KRT72: variants seen among roughly 807,000 people sequenced by gnomAD.
KRT72 encodes the protein keratin, type II cytoskeletal 72.
In KRT72, 44 loss-of-function variants were observed where a neutral mutation model predicts 44.7. The ratio of observed to expected loss-of-function variants is 0.98; its 90% confidence interval spans 0.77 to 1.27. The LOEUF is 1.27. Among genes scored for constraint, KRT72 ranks in the 50% most tolerant of loss-of-function variants. The pLI is 0.00. For synonymous variants in KRT72, 302 were observed against 280.4 expected (o/e 1.08, Z -0.77); for missense variants, 736 against 667.1 (o/e 1.10, Z -1.14).
rs1940438548 is a variant in KRT72, at chr12:52,601,240, C to T, written c.213G>A (p.Leu71=). 6.3e-7 allele frequency: 1 copy of T among 1,579,930 alleles called. No individual in the cohort carries two copies. The highest frequency in any genetic ancestry group is 8.6e-7 in the Non-Finnish European group (1 of 1,163,282). ...CGAAGGCGGTGCCCACGAAGCCGCC[C>T]AGGCGGCCGCCGCCCCGCCGTGCAG... is the stretch of plus-strand genomic sequence containing the variant. ...SAAARRGGGR[L]GGFVGTAFGS... is the part of the protein sequence containing the mutation. Residue 71 remains leucine (L), a synonymous_variant, in exon 1 of 9, where the codon CTG becomes CTA. Coordinates refer to ENST00000293745, the MANE Select transcript of KRT72 (RefSeq NM_080747.3).
rs758073847 is a variant in KRT72, at chr12:52,592,497, A to G, written c.703-6T>C. 2.5e-6 allele frequency: 4 copies of G among 1,612,044 alleles called. No homozygotes were observed. Among genetic ancestry groups the G allele is most frequent in the Non-Finnish European group, 3.4e-6 (4 of 1,178,522 alleles). On this transcript the variant is annotated splice_region_variant and splice_polypyrimidine_tract_variant and intron_variant, in intron 3 of 8. Transcript: ENST00000293745. ...ATGTAAGCAGCATCCACGTCCTGGG[A>G]GCACATGATAGTCAAGCCGCCCTGA...
At position 52,585,937 on chromosome 12, in the gene KRT72, G is replaced by C. The variant is rs748931585; in HGVS notation, c.*45C>G. ...CCCAGGGAAGGAGAGGGAGGAGACG[G>C]GTGAGTTGGGAAGCCTTCTGCTCAC... is the stretch of plus-strand genomic sequence containing the variant. On this transcript the variant is annotated 3_prime_UTR_variant, in exon 9 of 9. Transcript: ENST00000293745. 6.5e-6 allele frequency: 10 copies of C among 1,546,156 alleles called. No individual in the cohort carries two copies. The Admixed American group carries it at 1.7e-4, about 27-fold the overall frequency.
In KRT72 at chr12:52,591,586, C is replaced by T. The variant is rs371811856; in HGVS notation, c.841G>A (p.Val281Ile). ...IQSHISDTSI[V>I]LSMDNNRDLD... ...TCCCGGTTGTTGTCCATTGACAGGA[C>T]GATGGACGTGTCGCTGATGTGGGAC... The change falls in exon 5 of 9, where the codon GTC becomes ATC. Residue 281 changes from valine (V) to isoleucine (I), a missense_variant. By Grantham distance (29) the Val-to-Ile change is conservative. Transcript: ENST00000293745. 4.2e-5 allele frequency: 68 copies of T among 1,613,680 alleles called. 1 individual carries two copies. The highest frequency in any genetic ancestry group is 3.5e-4 in the African/African-American group (26 of 74,904).
At position 52,587,808 on chromosome 12, in the gene KRT72, C is replaced by T. The variant is rs906453378; in HGVS notation, c.1133G>A (p.Gly378Glu). Residue 378 changes from glycine (G) to glutamate (E), a missense_variant, in exon 7 of 9, where the codon GGG (glycine) becomes GAG (glutamate). By Grantham distance (98) the Gly-to-Glu change is moderately conservative. Coordinates refer to ENST00000293745, the MANE Select transcript of KRT72 (RefSeq NM_080747.3). The stretch of plus-strand genomic sequence containing the variant: ...CCGGGCATCTTTCAGGGCGCAGTCC[C>T]CCCGCTGTTCAGCGTCGGCGATGGC... ...ETAIADAEQR[G>E]DCALKDARAK... 2 of 1,614,072 alleles carry T rather than the reference C, an allele frequency of 1.2e-6. No individual in the cohort carries two copies. The highest frequency in any genetic ancestry group is 2.7e-5 in the African/African-American group (2 of 74,930).
At chr12:52,593,596 C>G (rs589284) in intron 2 of KRT72, among the ~76,000 whole-genome samples, 1 of 151,736 alleles carries the variant, frequency 6.6e-6, no homozygotes, top group Non-Finnish European at 1.5e-5. Flanking sequence ...AGTATGGTAA[C>G]GAAATAGAGC....
At chr12:52,590,098 G>A (rs77834980) in intron 6 of KRT72, among the ~76,000 whole-genome samples, 4,358 of 152,208 alleles carry the variant, frequency 0.029, 112 homozygotes, top group Non-Finnish European at 0.041. Flanking sequence ...ACTTGCCTGG[G>A]AGCTGAGAGC....
At chr12:52,586,911 G>A (rs1466659135) in intron 8 of KRT72, 35 bp downstream of exon 8, 1 of 1,604,378 alleles carries the variant, frequency 6.2e-7, no homozygotes, top group Non-Finnish European at 8.5e-7. Context: ...CTGGTAAGGT[G>A]ACCAAGGGCA....
intron 3 of KRT72, 102 bp downstream of exon 3, chr12:52,592,790 G>A (rs1271360261): frequency 3.0e-6 from 3 of 985,488 alleles, no homozygotes; most frequent in Non-Finnish European, 4.7e-6. Flanking sequence ...CCCTGCCCAA[G>A]GGACTGAGTG....
chr12:52,589,971 A>G (rs1475360703), intron 6 of KRT72, among the ~76,000 whole-genome samples: 1 of 152,100 alleles, frequency 6.6e-6, no homozygotes, highest in East Asian at 1.9e-4. Context: ...CACTACCATG[A>G]GCACAGAGGA....
chr12:52,592,250 C>G, intron 4 of KRT72, 146 bp downstream of exon 4: 1 of 652,658 alleles, frequency 1.5e-6, no homozygotes, highest in Non-Finnish European at 2.7e-6. Flanking sequence ...TTGTTCAGCA[C>G]CCAGTAGGGC....
intron 2 of KRT72, among the ~76,000 whole-genome samples, chr12:52,593,581 GT>G (rs1940132440): frequency 6.6e-6 from 1 of 152,188 alleles, no homozygotes; most frequent in Non-Finnish European, 1.5e-5. Flanking sequence ...CAGGACATTT[GT>G]GAGAGTATGG....
rs752356850 is a variant in KRT72, at chr12:52,601,032, C to A, written c.421G>T (p.Asp141Tyr). 1 of 1,611,780 alleles carries A rather than the reference C, an allele frequency of 6.2e-7. No individual in the cohort carries two copies. The highest frequency in any genetic ancestry group is 8.5e-7 in the Non-Finnish European group (1 of 1,179,238). Residue 141 changes from aspartate to tyrosine, a missense_variant, in exon 1 of 9, where the codon GAC (aspartate) becomes TAC (tyrosine). Coordinates refer to ENST00000293745, the MANE Select transcript of KRT72 (RefSeq NM_080747.3). Reference protein sequence around the residue: ...ALNNKFASFIDKVRFLEQQNQ... With the variant: ...ALNNKFASFIYKVRFLEQQNQ... ...GCCAATGCCCGAGGACTCACCTTGT[C>A]GATGAAGGAGGCGAACTTGTTGTTT...
intron 2 of KRT72, among the ~76,000 whole-genome samples, chr12:52,593,604 A>G (rs1940133243): frequency 6.6e-6 from 1 of 152,236 alleles, no homozygotes; most frequent in Admixed American, 6.5e-5. Context: ...AACGAAATAG[A>G]GCATTGGTAA....
chr12:52,593,040 T>C, intron 2 of KRT72, 88 bp from the exon 3 acceptor site: 1 of 1,257,600 alleles, frequency 8.0e-7, no homozygotes, highest in East Asian at 2.6e-5. Context: ...AGCTGCAGGG[T>C]GGGGGTCTTC....
chr12:52,599,540 G>A, intron 1 of KRT72: 1 of 442,978 alleles, frequency 2.3e-6, no homozygotes, highest in South Asian at 1.6e-5. Flanking sequence ...TTTCTTTGTT[G>A]TTCACAGCAA....
chr12:52,592,374 G>C, intron 4 of KRT72, 22 bp downstream of exon 4: 1 of 1,518,358 alleles, frequency 6.6e-7, no homozygotes, highest in Non-Finnish European at 9.1e-7. Context: ...GATCTCACAA[G>C]AGAGGTCAGC....
intron 5 of KRT72, 64 bp from the exon 6 acceptor site, chr12:52,591,025 T>C (rs1939994683): frequency 6.9e-7 from 1 of 1,442,884 alleles, no homozygotes. Flanking sequence ...AGGTCCCTTT[T>C]CTTCTGGACA....
intron 2 of KRT72, among the ~76,000 whole-genome samples, chr12:52,597,594 T>C (rs1940265886): frequency 6.6e-6 from 1 of 152,204 alleles, no homozygotes; most frequent in African/African-American, 2.4e-5. Flanking sequence ...GATTCTATTA[T>C]TATTCCAATT....
At chr12:52,595,572 A>G (rs1367889430) in intron 2 of KRT72, among the ~76,000 whole-genome samples, 1 of 152,218 alleles carries the variant, frequency 6.6e-6, no homozygotes, top group African/African-American at 2.4e-5. Context: ...ATGAAGCTAG[A>G]GGGCAGATAT....
Sources: gnomAD v4.1 joint callset for allele counts (sites outside exome capture counted in the v4.1 genomes callset) on GRCh38, gnomAD v4.1.1 for gene constraint, MANE v1.5 for transcripts, NCBI Gene and HGNC (gene_info 2026-07-23, HGNC 2026-07-21) for gene names.